The following TRIOBP variants were observed in gnomAD, a reference collection of about 807,000 sequenced individuals.
TRIOBP encodes the protein TRIO and F-actin-binding protein.
In TRIOBP, 169 loss-of-function variants were observed where a neutral mutation model predicts 238.8. The observed-to-expected ratio is 0.71, with a 90% CI of 0.62 to 0.80. The LOEUF (loss-of-function observed/expected upper bound fraction) is 0.80. TRIOBP is among the 30% of genes least tolerant of loss of function. TRIOBP has a pLI of 0.00. For synonymous variants in TRIOBP, 1,150 were observed against 1,274.4 expected, an observed-to-expected ratio of 0.90 and a Z score of 2.08; for missense variants, 2,838 against 3,122.6, an observed-to-expected ratio of 0.91 and a Z score of 2.17.
chr22:37,709,630 C>T (rs1351979327), intron 3 of TRIOBP, among the ~76,000 whole-genome samples: 1 of 152,212 alleles, frequency 6.6e-6, no homozygotes, highest in African/African-American at 2.4e-5. Context: ...TGGCCGCTGT[C>T]TCCCACCACC....
At chr22:37,746,137 GCCCGCCGCGGCC>G (rs1295777385) in intron 11 of TRIOBP, 10 of 994,622 alleles carry the variant, frequency 1.0e-5, no homozygotes, top group Non-Finnish European at 1.2e-5. Context: ...GCTTCCATTG[GCCCGCCGCGGCC>G]CCCGCCGCTG....
intron 18 of TRIOBP, among the ~76,000 whole-genome samples, chr22:37,767,822 T>G (rs1449407610): frequency 1.3e-5 from 2 of 152,190 alleles, no homozygotes; most frequent in Admixed American, 6.5e-5. Flanking sequence ...TTATCTTCCC[T>G]TAATAGATGG....
chr22:37,746,153 G>A lies in TRIOBP; in HGVS notation c.5322+5121G>A, dbSNP rs1461619768. Reference sequence around the variant, plus strand: ...CTTCCATTGGCCCGCCGCGGCCCCCGCCGCTGTTTGTCTCGGCTTCCCCGC... The same window carrying A: ...CTTCCATTGGCCCGCCGCGGCCCCCACCGCTGTTTGTCTCGGCTTCCCCGC... On this transcript the variant is annotated intron_variant, in intron 11 of 23. Transcript: ENST00000644935. 96 of 997,880 alleles carry A rather than the reference G, an allele frequency of 9.6e-5. No homozygotes were observed. The South Asian group carries it at 3.2e-3, about 34-fold the overall frequency. The allele number at this position is 997,880 out of a possible 1,614,324, so 61.8% of individuals were successfully genotyped here.
At chr22:37,743,618 TG>T (rs1263432153) in intron 11 of TRIOBP, among the ~76,000 whole-genome samples, 17 of 152,302 alleles carry the variant, frequency 1.1e-4, no homozygotes, top group African/African-American at 4.1e-4. Flanking sequence ...GACACTGACA[TG>T]TAACTGATGA....
At chr22:37,729,154 G>A (rs539085326) in intron 7 of TRIOBP, among the ~76,000 whole-genome samples, 193 of 152,116 alleles carry the variant, frequency 1.3e-3, no homozygotes, top group Non-Finnish European at 1.7e-3. Flanking sequence ...CTGAGCTCAG[G>A]CAATCTACCC....
Position 37,725,696 on chromosome 22 carries a change from C to T in TRIOBP, c.3140C>T (p.Pro1047Leu). 1.2e-6 allele frequency: 2 copies of T among 1,613,434 alleles called. No homozygotes were observed. Among genetic ancestry groups the T allele is most frequent in the Non-Finnish European group, 1.7e-6 (2 of 1,179,892 alleles). Residue 1047 changes from proline to leucine, a missense_variant, in exon 7 of 24, where the codon CCT becomes CTT. By Grantham distance (98) the Pro-to-Leu change is moderately conservative. Coordinates refer to ENST00000644935, the MANE Select transcript of TRIOBP (RefSeq NM_001039141.3). The stretch of plus-strand genomic sequence containing the variant: ...CCCTTCTTCCCAGAGCCCCGCGCCC[C>T]TGAGAGTGAACCGCCCCACCACGAG... ...PFPFFPEPRAPESEPPHHEPP... is the reference protein window; with the variant it reads ...PFPFFPEPRALESEPPHHEPP...
chr22:37,736,135 C>T (rs192916952), intron 9 of TRIOBP, among the ~76,000 whole-genome samples: 2 of 152,330 alleles, frequency 1.3e-5, no homozygotes, highest in African/African-American at 4.8e-5. Context: ...AGGTGCTCGC[C>T]CTTCCCCTGC....
intron 11 of TRIOBP, among the ~76,000 whole-genome samples, chr22:37,749,469 C>T (rs1365920755): frequency 6.6e-6 from 1 of 151,992 alleles, no homozygotes; most frequent in African/African-American, 2.4e-5. Flanking sequence ...TGTGCCTGGC[C>T]AGGTAGGAGG....
chr22:37,705,373 C>G (rs922719262), intron 3 of TRIOBP, among the ~76,000 whole-genome samples: 1 of 151,580 alleles, frequency 6.6e-6, no homozygotes, highest in Non-Finnish European at 1.5e-5. Flanking sequence ...AGAATCCTCT[C>G]AAAACAAAAC....
At chr22:37,764,871 G>T (rs1926406043) in intron 17 of TRIOBP, among the ~76,000 whole-genome samples, 1 of 152,234 alleles carries the variant, frequency 6.6e-6, no homozygotes, top group African/African-American at 2.4e-5. Flanking sequence ...GGGAATTTAT[G>T]GTTTGGCAGA....
chr22:37,762,500 G>A (rs976593608), intron 17 of TRIOBP, among the ~76,000 whole-genome samples: 5 of 152,252 alleles, frequency 3.3e-5, no homozygotes, highest in African/African-American at 9.6e-5. Flanking sequence ...ACAGAAGGGT[G>A]TGACCTTTGA....
chr22:37,716,039 C>A, intron 6 of TRIOBP, 105 bp downstream of exon 6: 1 of 1,261,560 alleles, frequency 7.9e-7, no homozygotes, highest in Non-Finnish European at 1.1e-6. Context: ...CTTTGGTGGC[C>A]TGAGTGTTAA....
intron 6 of TRIOBP, among the ~76,000 whole-genome samples, chr22:37,718,005 C>G (rs1200812440): frequency 5.9e-5 from 9 of 152,184 alleles, no homozygotes; most frequent in South Asian, 2.1e-4. Flanking sequence ...AGCTAAGGCC[C>G]GGCGAGAAAT....
chr22:37,734,690 G>A lies in TRIOBP; in HGVS notation c.4354G>A (p.Gly1452Arg), dbSNP rs1924579099. ...HLERSWSSQE[G>R]GLGPGGWWGC... ...AGAAAGGAGCTGGAGCAGCCAGGAG[G>A]GAGGCCTGGGCCCTGGGGGCTGGTG... Residue 1452 changes from glycine to arginine, a missense_variant, in exon 9 of 24, where the codon GGA (glycine) becomes AGA (arginine). Coordinates refer to ENST00000644935, the MANE Select transcript of TRIOBP (RefSeq NM_001039141.3). 2 of 1,605,834 alleles carry A rather than the reference G, an allele frequency of 1.2e-6. No homozygotes were observed. The highest frequency in any genetic ancestry group is 1.7e-6 in the Non-Finnish European group (2 of 1,176,672).
At chr22:37,740,381 G>A (rs745455668) in intron 10 of TRIOBP, among the ~76,000 whole-genome samples, 5 of 152,180 alleles carry the variant, frequency 3.3e-5, no homozygotes, top group Admixed American at 6.5e-5. Flanking sequence ...CTTAAGCTGG[G>A]GTCACAAACC....
At chr22:37,731,042 C>T (rs985436734) in intron 7 of TRIOBP, among the ~76,000 whole-genome samples, 4 of 152,090 alleles carry the variant, frequency 2.6e-5, no homozygotes, top group Non-Finnish European at 5.9e-5. Context: ...CCTCTCCGAA[C>T]CAGCTGCCAA....
At chr22:37,701,555 T>C in intron 3 of TRIOBP, 76 bp downstream of exon 3, 1 of 1,071,374 alleles carries the variant, frequency 9.3e-7, no homozygotes, top group Admixed American at 2.0e-5. Context: ...TGGTGTCCGC[T>C]AACTCGCAGT....
At chr22:37,722,187 G>A (rs2145831071) in intron 6 of TRIOBP, among the ~76,000 whole-genome samples, 1 of 83,616 alleles carries the variant, frequency 1.2e-5, no homozygotes, top group East Asian at 6.1e-4. Flanking sequence ...CCTCAGGGTA[G>A]GAACATTTGG....
intron 11 of TRIOBP, among the ~76,000 whole-genome samples, chr22:37,745,731 C>A (rs942045629): frequency 1.3e-5 from 2 of 152,190 alleles, no homozygotes; most frequent in African/African-American, 4.8e-5. Context: ...ACCTCCCTCC[C>A]AAGTCTGTGG....
Sources: gnomAD v4.1 joint callset for allele counts (sites outside exome capture counted in the v4.1 genomes callset) on GRCh38, gnomAD v4.1.1 for gene constraint, MANE v1.5 for transcripts, NCBI Gene and HGNC (gene_info 2026-07-23, HGNC 2026-07-21) for gene names.